Variants in RBFOX1 observed in about 807,000 individuals in gnomAD.
RBFOX1 encodes the protein RNA binding fox-1 homolog 1.
Under a neutral mutation model 57.7 loss-of-function variants are expected in RBFOX1, and 8 were observed. That is an observed-to-expected ratio of 0.14 (90% CI 0.08 to 0.25). The LOEUF is 0.25. RBFOX1 is among the 10% of genes least tolerant of loss of function. RBFOX1 has a pLI of 1.00. For synonymous variants in RBFOX1, 326 were observed against 222.4 expected (o/e 1.47, Z -4.15); for missense variants, 611 against 548.5 (o/e 1.11, Z -1.14).
chr16:7,442,343 C>T (rs2098774609), intron 4 of RBFOX1, among the ~76,000 whole-genome samples: 1 of 152,142 alleles, frequency 6.6e-6, no homozygotes, highest in African/African-American at 2.4e-5. Context: ...CTTCCTTAGG[C>T]ACACAAAGGA....
intron 4 of RBFOX1, among the ~76,000 whole-genome samples, chr16:7,342,097 A>G (rs899462290): frequency 1.3e-4 from 20 of 152,126 alleles, no homozygotes; most frequent in African/African-American, 4.8e-4. Context: ...CTGAGGCAGC[A>G]CAGTTAAATT....
At chr16:6,619,687 CTT>C (rs34849467) in intron 2 of RBFOX1, among the ~76,000 whole-genome samples, 6,864 of 117,892 alleles carry the variant, frequency 0.058, 384 homozygotes, top group East Asian at 0.18. Context: ...TGTTGGTTTC[CTT>C]TTTTTTTTTT....
At chr16:7,708,029 C>T (rs567866760) in intron 14 of RBFOX1, among the ~76,000 whole-genome samples, 11 of 152,260 alleles carry the variant, frequency 7.2e-5, no homozygotes, top group South Asian at 4.2e-4. Context: ...GGACCAAGCA[C>T]GCAAGTTGCC....
chr16:6,944,811 G>T (rs142890564), intron 3 of RBFOX1, among the ~76,000 whole-genome samples: 14 of 152,266 alleles, frequency 9.2e-5, no homozygotes, highest in Admixed American at 9.2e-4. Flanking sequence ...ATAACCTGAG[G>T]ACTGGAGGGC....
intron 3 of RBFOX1, among the ~76,000 whole-genome samples, chr16:6,814,573 TGATA>T (rs754558264): frequency 5.3e-5 from 8 of 152,110 alleles, no homozygotes; most frequent in Non-Finnish European, 1.2e-4. Flanking sequence ...CTGATGAGCA[TGATA>T]GATGCGAATC....
rs185010544 is a variant in RBFOX1, at chr16:5,758,408, G to A, written c.319-108895G>A. Among the ~76,000 whole-genome samples, 743 of 152,278 alleles carry A rather than the reference G, an allele frequency of 4.9e-3. 7 individuals carry two copies. Among genetic ancestry groups the A allele is most frequent in the Middle Eastern group, 0.017 (5 of 294 alleles). ...TTGGTCCCTAGGTTGGGCATGAAAA[G>A]CATCTCTTAGACTGGGGGAGAAAGA... On this transcript the variant is annotated intron_variant, in intron 3 of 19. Coordinates refer to the RBFOX1 transcript ENST00000641259.
chr16:5,829,956 A>T (rs930702879), intron 3 of RBFOX1, among the ~76,000 whole-genome samples: 6 of 152,284 alleles, frequency 3.9e-5, no homozygotes, highest in Admixed American at 3.3e-4. Flanking sequence ...CCTTAGGAGC[A>T]AGGATCTGAG....
At chr16:5,341,033 C>G (rs1298155989) in intron 1 of RBFOX1, among the ~76,000 whole-genome samples, 1 of 152,044 alleles carries the variant, frequency 6.6e-6, no homozygotes, top group East Asian at 1.9e-4. Flanking sequence ...CTGTGGATGC[C>G]TAGGAAGAAG....
At chr16:5,649,960 A>G (rs946649638) in intron 3 of RBFOX1, among the ~76,000 whole-genome samples, 4 of 152,198 alleles carry the variant, frequency 2.6e-5, no homozygotes, top group Non-Finnish European at 5.9e-5. Flanking sequence ...CCGGTGGAAC[A>G]CGCGGGGAGG....
At chr16:6,384,158 C>G (rs2092071177) in intron 2 of RBFOX1, among the ~76,000 whole-genome samples, 1 of 146,144 alleles carries the variant, frequency 6.8e-6, no homozygotes, top group Non-Finnish European at 1.5e-5. Context: ...GATCATTAAT[C>G]TAAGTATTCA....
At chr16:6,200,945 GTTT>G (rs58118698) in intron 1 of RBFOX1, among the ~76,000 whole-genome samples, 1 of 135,558 alleles carries the variant, frequency 7.4e-6, no homozygotes. Context: ...ACTTAGTGAG[GTTT>G]TTTTTTTTTT....
chr16:7,029,138 ATGTGTATATATG>A (rs2042015921), intron 3 of RBFOX1, among the ~76,000 whole-genome samples: 1 of 94,234 alleles, frequency 1.1e-5, no homozygotes, highest in Non-Finnish European at 2.0e-5. Context: ...GTATATATAT[ATGTGTATATATG>A]TATATATATA....
At chr16:6,780,594 A>G (rs1475023561) in intron 3 of RBFOX1, among the ~76,000 whole-genome samples, 2 of 139,052 alleles carry the variant, frequency 1.4e-5, no homozygotes, top group African/African-American at 5.3e-5. Context: ...TTATATATAT[A>G]TTTCTTTTTT....
At chr16:6,053,915 G>A (rs1464756860) in intron 1 of RBFOX1, among the ~76,000 whole-genome samples, 1 of 152,122 alleles carries the variant, frequency 6.6e-6, no homozygotes, top group Non-Finnish European at 1.5e-5. Context: ...CAAAAATTAA[G>A]CATGGTGGCA....
In RBFOX1 at chr16:6,357,069, G is replaced by A. The variant is rs1014024536; in HGVS notation, c.-64+40012G>A. Among the ~76,000 whole-genome samples, 11 of 152,156 alleles carry A rather than the reference G, an allele frequency of 7.2e-5. No homozygotes were observed. In the East Asian group the frequency reaches 2.1e-3, roughly 30 times the overall value. On this transcript the variant is annotated intron_variant, in intron 2 of 15. Coordinates refer to ENST00000550418, the MANE Select transcript of RBFOX1 (RefSeq NM_018723.4). ...GGGACCTCTATTTGGAGCAGTATTT[G>A]GCCAAGGGAAGCAGCGCTCACTCTC...
intron 1 of RBFOX1, among the ~76,000 whole-genome samples, chr16:6,154,728 A>C (rs2096826801): frequency 1.3e-5 from 2 of 152,196 alleles, no homozygotes; most frequent in Non-Finnish European, 1.5e-5. Context: ...TTAGTTAATG[A>C]ATGTTTTAGG....
chr16:6,268,690 A>G (rs1308677279), intron 1 of RBFOX1, among the ~76,000 whole-genome samples: 1 of 152,234 alleles, frequency 6.6e-6, no homozygotes, highest in Non-Finnish European at 1.5e-5. Flanking sequence ...AAATTGAAAG[A>G]GTCAGGTGTT....
chr16:5,303,462 C>T (rs1016511046), intron 1 of RBFOX1, among the ~76,000 whole-genome samples: 1 of 152,218 alleles, frequency 6.6e-6, no homozygotes, highest in Non-Finnish European at 1.5e-5. Context: ...TGTCACCTCT[C>T]TTTCCATCAC....
At position 7,631,575 on chromosome 16, in the gene RBFOX1, C is replaced by T. The variant is rs767676650; in HGVS notation, c.757+892C>T. Among the ~76,000 whole-genome samples the T allele has an allele frequency of 1.6e-4, 25 of 152,018 alleles. 1 individual carries two copies. The highest frequency in any genetic ancestry group is 1.2e-3 in the Admixed American group (19 of 15,256). ...ATGTGTGTAAATCCTGTGGAGTTGC[C>T]GTAACTGCAGAATGAGTCGTCTTTA... is the stretch of plus-strand genomic sequence containing the variant. On this transcript the variant is annotated intron_variant, in intron 11 of 15. Coordinates refer to ENST00000550418, the MANE Select transcript of RBFOX1 (RefSeq NM_018723.4).
Sources: allele counts gnomAD v4.1 joint callset (sites outside exome capture counted in the v4.1 genomes callset), GRCh38; gene constraint gnomAD v4.1.1; transcripts MANE v1.5; gene names NCBI Gene and HGNC (gene_info 2026-07-23, HGNC 2026-07-21).